NEU3: variants seen among roughly 807,000 people sequenced by gnomAD.
NEU3 encodes neuraminidase 3, also known as sialidase-3.
Under a neutral mutation model 11.4 loss-of-function variants are expected in NEU3, and 10 were observed. That is an observed-to-expected ratio of 0.88 (90% confidence interval 0.54 to 1.49). The LOEUF (loss-of-function observed/expected upper bound fraction) is 1.49. Among genes scored for constraint, NEU3 ranks in the 40% most tolerant of loss-of-function variants. NEU3 has a pLI of 0.00. For synonymous variants in NEU3, 212 were observed against 228.2 expected (o/e 0.93, Z 0.64); for missense variants, 529 against 581.8 (o/e 0.91, Z 0.93).
At chr11:75,004,462 C>G in intron 2 of NEU3, 1 of 469,638 alleles carries the variant, frequency 2.1e-6, no homozygotes, top group East Asian at 3.5e-5. Context: ...ACTTTTTTTT[C>G]TCTTTCTGTG....
intron 2 of NEU3, among the ~76,000 whole-genome samples, chr11:75,000,055 G>A (rs1417355125): frequency 2.0e-5 from 3 of 152,146 alleles, no homozygotes; most frequent in African/African-American, 7.2e-5. Context: ...GACTCCAAGG[G>A]TAGACAGGCC....
chr11:74,982,822 C>G, the NEU3 span, among the ~76,000 whole-genome samples: 4 of 152,124 alleles, frequency 2.6e-5, no homozygotes, highest in African/African-American at 9.7e-5. Flanking sequence ...CAACACTGTT[C>G]TGGGGCAAGG....
At chr11:74,999,673 G>T (rs1250783727) in intron 2 of NEU3, among the ~76,000 whole-genome samples, 3 of 152,132 alleles carry the variant, frequency 2.0e-5, no homozygotes, top group African/African-American at 7.2e-5. Context: ...TTCCATTAAG[G>T]GTCTCCTTGC....
chr11:74,985,432 A>T (rs1948659719), upstream of NEU3, among the ~76,000 whole-genome samples: 1 of 152,206 alleles, frequency 6.6e-6, no homozygotes, highest in African/African-American at 2.4e-5. Context: ...ATATGGATAT[A>T]TACAGATATA....
At chr11:75,005,226 A>G (rs564402989) in intron 2 of NEU3, among the ~76,000 whole-genome samples, 187 bp from the exon 3 acceptor site, 6 of 152,268 alleles carry the variant, frequency 3.9e-5, no homozygotes, top group South Asian at 4.1e-4. Flanking sequence ...AACATTTAGC[A>G]TTGTCTCTTT....
downstream of NEU3, among the ~76,000 whole-genome samples, chr11:75,019,054 G>T (rs1948992002): frequency 6.6e-6 from 1 of 152,206 alleles, no homozygotes; most frequent in African/African-American, 2.4e-5. Context: ...TGAGAGAGAT[G>T]ATTTAAGGTA....
At position 74,991,146 on chromosome 11, in the gene NEU3, C is replaced by T. The variant is rs75859688; in HGVS notation, c.94+1992C>T. 4.1e-3 allele frequency among the ~76,000 whole-genome samples: 628 copies of T among 152,338 alleles called. 6 individuals are homozygous for T. Among genetic ancestry groups the T allele is most frequent in the African/African-American group, 0.015 (605 of 41,578 alleles). ...CCAAATCCTATGTTCTTAACCATTA[C>T]ACCAGCCTGGCTCAGAGACAGATTG... On this transcript the variant is annotated intron_variant, in intron 1 of 2. Transcript: ENST00000294064.
At position 74,999,566 on chromosome 11, in the gene NEU3, C is replaced by T. The variant is rs528631450; in HGVS notation, c.306+4846C>T. Among the ~76,000 whole-genome samples the T allele has an allele frequency of 9.2e-5, 14 of 152,322 alleles. 1 individual carries two copies. The South Asian group carries it at 2.9e-3, about 32-fold the overall frequency. ...TCAGTCAAGACCTATCATTTATTGGCTTTTTGGCCTTGGATACTTGACTCT... is the reference window on the plus strand; with the variant it reads ...TCAGTCAAGACCTATCATTTATTGGTTTTTTGGCCTTGGATACTTGACTCT... On this transcript the variant is annotated intron_variant, in intron 2 of 2. Coordinates refer to ENST00000294064, the MANE Select transcript of NEU3 (RefSeq NM_006656.6).
chr11:74,999,580 A>G (rs1330658552), intron 2 of NEU3, among the ~76,000 whole-genome samples: 5 of 152,162 alleles, frequency 3.3e-5, no homozygotes, highest in Non-Finnish European at 7.3e-5. Flanking sequence ...TTGGCCTTGG[A>G]TACTTGACTC....
At chr11:75,004,347 T>C in intron 2 of NEU3, 1 of 660,240 alleles carries the variant, frequency 1.5e-6, no homozygotes, top group South Asian at 1.7e-5. Flanking sequence ...CTCAAACTCC[T>C]GGACTCAAGC....
At chr11:74,980,698 A>G in the NEU3 span, among the ~76,000 whole-genome samples, 8 of 152,180 alleles carry the variant, frequency 5.3e-5, no homozygotes, top group African/African-American at 1.9e-4. Context: ...TACACATATC[A>G]TTGTCTGTTA....
downstream of NEU3, among the ~76,000 whole-genome samples, chr11:75,011,906 C>T (rs957235751): frequency 2.0e-5 from 3 of 152,126 alleles, no homozygotes; most frequent in Non-Finnish European, 4.4e-5. Context: ...AGAATCCCCA[C>T]TTGCTCATTG....
At chr11:75,015,561 A>G (rs1412737586), downstream of NEU3, among the ~76,000 whole-genome samples, 1 of 152,124 alleles carries the variant, frequency 6.6e-6, no homozygotes, top group Non-Finnish European at 1.5e-5. Flanking sequence ...CTGGGATGGG[A>G]CCTGAACATT....
At chr11:75,001,546 G>T (rs542949937) in intron 2 of NEU3, among the ~76,000 whole-genome samples, 3 of 152,160 alleles carry the variant, frequency 2.0e-5, no homozygotes, top group Non-Finnish European at 4.4e-5. Context: ...ACCTCCCAAA[G>T]TACTAGGATT....
At chr11:74,993,841 C>A (rs1948757911) in intron 1 of NEU3, among the ~76,000 whole-genome samples, 1 of 152,088 alleles carries the variant, frequency 6.6e-6, no homozygotes, top group Non-Finnish European at 1.5e-5. Flanking sequence ...TAGTTTTCCT[C>A]TTATAAAGCC....
At chr11:74,983,334 A>T (rs1434257275), upstream of NEU3, among the ~76,000 whole-genome samples, 2 of 152,264 alleles carry the variant, frequency 1.3e-5, no homozygotes, top group African/African-American at 4.8e-5. Context: ...AGAGAGATGT[A>T]GTCTAAAAGA....
At chr11:74,982,995 T>C in the NEU3 span, among the ~76,000 whole-genome samples, 2 of 152,126 alleles carry the variant, frequency 1.3e-5, no homozygotes, top group East Asian at 1.9e-4. Context: ...TGGGTGCCCA[T>C]AGGGGAGAAA....
In NEU3 at chr11:75,010,608, C is replaced by T. The variant is rs71466368; in HGVS notation, c.*4116C>T. 6.6e-6 allele frequency: 1 copy of T among 152,178 alleles called. No individual in the cohort carries two copies. Among genetic ancestry groups the T allele is most frequent in the African/African-American group, 2.4e-5 (1 of 41,426 alleles). 9.4% of individuals were successfully genotyped at this position (152,178 alleles called of 1,614,324 possible). ...TAAGCTTGGTTGTCCCTGGCTTTCC[C>T]AAGGATCACAGCCCAAAAGGCACAG... On this transcript the variant is annotated 3_prime_UTR_variant, in exon 3 of 3. Transcript: ENST00000294064.
At position 74,989,929 on chromosome 11, in the gene NEU3, G is replaced by A. The variant is rs187628248; in HGVS notation, c.94+775G>A. ...TCTGCTTAAATGAACCCCAGAGCAG[G>A]CCCATATCTGATTATTTTCTATCCC... is the stretch of plus-strand genomic sequence containing the variant. On this transcript the variant is annotated intron_variant, in intron 1 of 2. Transcript: ENST00000294064. The A allele has an allele frequency of 4.3e-6, 3 of 701,734 alleles. No individual in the cohort carries two copies. The South Asian group carries it at 4.5e-5, about 10-fold the overall frequency. 43.5% of individuals were successfully genotyped at this position (701,734 alleles called of 1,614,324 possible). A position where few individuals can be genotyped will look rare whatever the true frequency, so the allele number is the denominator to read the frequency against.
Sources: allele counts gnomAD v4.1 joint callset (sites outside exome capture counted in the v4.1 genomes callset), GRCh38; gene constraint gnomAD v4.1.1; transcripts MANE v1.5; gene names NCBI Gene and HGNC (gene_info 2026-07-23, HGNC 2026-07-21).